BANF2: variants seen among roughly 807,000 people sequenced by gnomAD.
BANF2 encodes BANF family member 2.
BANF2 carries 4 observed loss-of-function variants against 8.0 expected under a neutral mutation model. The observed-to-expected ratio is 0.50, with a 90% CI of 0.25 to 1.14. The LOEUF is 1.14. Among genes scored for constraint, BANF2 ranks in the 50% most tolerant of loss-of-function variants. The pLI, the probability that BANF2 is intolerant of heterozygous loss-of-function variation, is 0.16. For missense variants in BANF2, 96 were observed against 107.5 expected, an observed-to-expected ratio of 0.89 and a Z score of 0.47; for synonymous variants, 50 against 40.6, an observed-to-expected ratio of 1.23 and a Z score of -0.88.
chr20:17,710,930 G>A (rs1254798742), intron 1 of BANF2, among the ~76,000 whole-genome samples: 4 of 151,502 alleles, frequency 2.6e-5, no homozygotes, highest in Admixed American at 2.0e-4. Flanking sequence ...CTGTGTGGGA[G>A]TGTTGGGGCG....
At chr20:17,709,838 G>T (rs928646799) in intron 1 of BANF2, among the ~76,000 whole-genome samples, 3 of 152,234 alleles carry the variant, frequency 2.0e-5, no homozygotes, top group African/African-American at 7.2e-5. Flanking sequence ...TTGGTGCGGA[G>T]CTTAGCACGG....
At chr20:17,724,792 G>T (rs2037780261) in intron 2 of BANF2, among the ~76,000 whole-genome samples, 1 of 152,182 alleles carries the variant, frequency 6.6e-6, no homozygotes, top group African/African-American at 2.4e-5. Context: ...CTCATCTGTG[G>T]CCATCATTCG....
At chr20:17,711,594 T>C (rs891148797) in intron 1 of BANF2, among the ~76,000 whole-genome samples, 1 of 152,144 alleles carries the variant, frequency 6.6e-6, no homozygotes, top group African/African-American at 2.4e-5. Context: ...CCTGGGGGGC[T>C]CTGGAGCCGG....
upstream of BANF2, among the ~76,000 whole-genome samples, chr20:17,696,415 G>C (rs1434826563): frequency 6.6e-6 from 1 of 152,196 alleles, no homozygotes; most frequent in Non-Finnish European, 1.5e-5. Flanking sequence ...ATTTTCCAAA[G>C]TGGTTATATT....
intron 3 of BANF2, among the ~76,000 whole-genome samples, chr20:17,727,127 G>A (rs1031947876): frequency 2.6e-5 from 4 of 152,164 alleles, no homozygotes; most frequent in African/African-American, 9.7e-5. Flanking sequence ...AATGAATAAT[G>A]GAAAAATGTT....
chr20:17,732,065 A>C (rs1164147746), intron 3 of BANF2, among the ~76,000 whole-genome samples: 5 of 71,506 alleles, frequency 7.0e-5, no homozygotes, highest in Non-Finnish European at 1.5e-4. Flanking sequence ...GACGTCGTCA[A>C]AAAAAAAAAA....
At chr20:17,695,078 C>G (rs1568802538), upstream of BANF2, among the ~76,000 whole-genome samples, 1 of 152,118 alleles carries the variant, frequency 6.6e-6, no homozygotes. Flanking sequence ...GTTTGCAAAA[C>G]TCCAGAGTTT....
chr20:17,727,704 A>G (rs1267209958), intron 3 of BANF2, among the ~76,000 whole-genome samples: 3 of 152,010 alleles, frequency 2.0e-5, no homozygotes, highest in South Asian at 2.1e-4. Flanking sequence ...GATTTAGCCA[A>G]TAAAGATGCT....
At chr20:17,720,227 T>A (rs979208143) in intron 1 of BANF2, among the ~76,000 whole-genome samples, 1 of 152,256 alleles carries the variant, frequency 6.6e-6, no homozygotes, top group African/African-American at 2.4e-5. Context: ...GCAATTTCAC[T>A]TCTGGGTATG....
At chr20:17,698,227 TAA>T (rs35882253), upstream of BANF2, among the ~76,000 whole-genome samples, 2 of 147,436 alleles carry the variant, frequency 1.4e-5, no homozygotes, top group Non-Finnish European at 3.0e-5. Flanking sequence ...AAAATAATAA[TAA>T]AAAAAAAAGG....
chr20:17,723,983 G>A (rs1045610193), intron 2 of BANF2, among the ~76,000 whole-genome samples: 13 of 152,136 alleles, frequency 8.5e-5, no homozygotes, highest in South Asian at 2.1e-4. Flanking sequence ...CAACAAGAGC[G>A]AAACTTCATC....
rs553750371 is a variant in BANF2, at chr20:17,711,862, A to G, written c.-166-10854A>G. Among the ~76,000 whole-genome samples, 242 of 152,190 alleles carry G rather than the reference A, an allele frequency of 1.6e-3. 1 individual carries two copies. The highest frequency in any genetic ancestry group is 3.3e-3 in the Non-Finnish European group (223 of 68,038). ...CCTGCGCATGGCACCAATGGCACCT[A>G]CTACTCTCTGTCTCCTTGCAATGGA... On this transcript the variant is annotated intron_variant, in intron 1 of 3. Transcript: ENST00000246090.
intron 1 of BANF2, among the ~76,000 whole-genome samples, chr20:17,702,220 C>G (rs1056672107): frequency 6.6e-6 from 1 of 152,218 alleles, no homozygotes; most frequent in Non-Finnish European, 1.5e-5. Context: ...CTAAGGCAAA[C>G]TGCCATCGAT....
chr20:17,733,531 T>C (rs139557984), intron 3 of BANF2, among the ~76,000 whole-genome samples: 116 of 152,324 alleles, frequency 7.6e-4, no homozygotes, highest in African/African-American at 2.7e-3. Context: ...CACAGCTCTA[T>C]GTCTCTCGTT....
At chr20:17,730,464 G>A (rs973881511) in intron 3 of BANF2, among the ~76,000 whole-genome samples, 1 of 151,882 alleles carries the variant, frequency 6.6e-6, no homozygotes, top group African/African-American at 2.4e-5. Context: ...CCTTACCAGC[G>A]AGGCTTGCTC....
At chr20:17,719,324 G>C (rs748453016) in intron 1 of BANF2, among the ~76,000 whole-genome samples, 178 of 151,992 alleles carry the variant, frequency 1.2e-3, no homozygotes, top group Non-Finnish European at 2.1e-3. Flanking sequence ...TAGAGACGGG[G>C]TTTCACCATG....
At chr20:17,735,011 G>A (rs973785096) in intron 3 of BANF2, among the ~76,000 whole-genome samples, 9 of 152,094 alleles carry the variant, frequency 5.9e-5, no homozygotes, top group African/African-American at 1.9e-4. Flanking sequence ...CGCTTGAGGC[G>A]GAGGTTGCAG....
At chr20:17,715,444 A>G (rs73898395) in intron 1 of BANF2, among the ~76,000 whole-genome samples, 2,002 of 152,372 alleles carry the variant, frequency 0.013, 54 homozygotes, top group African/African-American at 0.045. Flanking sequence ...CTGTAGACCC[A>G]TCAAGATAAG....
At chr20:17,698,161 T>C (rs1310738621), upstream of BANF2, among the ~76,000 whole-genome samples, 3 of 151,780 alleles carry the variant, frequency 2.0e-5, no homozygotes, top group African/African-American at 7.3e-5. Context: ...TGAGCCGAGA[T>C]CACGCCATCG....
Sources: allele counts gnomAD v4.1 joint callset (sites outside exome capture counted in the v4.1 genomes callset), GRCh38; gene constraint gnomAD v4.1.1; transcripts MANE v1.5; gene names NCBI Gene and HGNC (gene_info 2026-07-23, HGNC 2026-07-21).